CASQ1: variants seen among roughly 807,000 people sequenced by gnomAD.
CASQ1 encodes the protein calsequestrin-1.
CASQ1 carries 40 observed loss-of-function variants against 49.5 expected under a neutral mutation model. The observed-to-expected ratio is 0.81, with a 90% CI of 0.63 to 1.05. The LOEUF is 1.05. Among genes scored for constraint, CASQ1 ranks in the 50% least tolerant of loss-of-function variants. CASQ1 has a pLI of 0.00. For missense variants in CASQ1, 469 were observed against 486.9 expected, an observed-to-expected ratio of 0.96 and a Z score of 0.35; for synonymous variants, 174 against 187.2, an observed-to-expected ratio of 0.93 and a Z score of 0.58.
intron 3 of CASQ1, 34 bp downstream of exon 3, chr1:160,193,881 G>C (rs1323427117): frequency 1.4e-6 from 2 of 1,449,876 alleles, no homozygotes; most frequent in Admixed American, 3.4e-5. Context: ...GGCCTTGCTT[G>C]AAAACTCCAC....
At chr1:160,191,980 C>T (rs1186930872) in intron 1 of CASQ1, among the ~76,000 whole-genome samples, 1 of 152,150 alleles carries the variant, frequency 6.6e-6, no homozygotes, top group African/African-American at 2.4e-5. Context: ...GCTCAGTATC[C>T]CTGGCCATCC....
In CASQ1 at chr1:160,190,642, T is replaced by TC. The variant is rs1654050248; in HGVS notation, c.-104dup. ...TCCACTGCTCTGGGCCATTCCCCAA[T>TC]CCCCCCTCCCACTTGAGCCCCTAAC... On this transcript the variant is annotated 5_prime_UTR_variant, in exon 1 of 11. Coordinates refer to ENST00000368078, the MANE Select transcript of CASQ1 (RefSeq NM_001231.5). 1 of 1,008,790 alleles carries TC rather than the reference T, an allele frequency of 9.9e-7. No homozygotes were observed. The highest frequency in any genetic ancestry group is 1.4e-6 in the Non-Finnish European group (1 of 691,730). 62.5% of individuals were successfully genotyped at this position (1,008,790 alleles called of 1,614,324 possible).
At chr1:160,193,998 C>T in intron 3 of CASQ1, 151 bp downstream of exon 3, 1 of 605,222 alleles carries the variant, frequency 1.7e-6, no homozygotes, top group South Asian at 1.8e-5. Flanking sequence ...CACACGCACA[C>T]ACACCATACA....
At chr1:160,195,358 T>C in intron 4 of CASQ1, 103 bp from the exon 5 acceptor site, 1 of 1,136,756 alleles carries the variant, frequency 8.8e-7, no homozygotes, top group Non-Finnish European at 1.3e-6. Context: ...GGGGTGGGTC[T>C]CAAAATGAAC....
intron 6 of CASQ1, 23 bp from the exon 7 acceptor site, chr1:160,197,546 G>GAC: frequency 6.3e-7 from 1 of 1,590,668 alleles, no homozygotes; most frequent in South Asian, 1.1e-5. Flanking sequence ...ACTGAGTAAT[G>GAC]ACACTCTGTC....
At position 160,201,494 on chromosome 1, in the gene CASQ1, G is replaced by T. The variant is rs1320694847; in HGVS notation, c.*118G>T. 1.8e-6 allele frequency: 2 copies of T among 1,103,346 alleles called. No individual in the cohort carries two copies. The highest frequency in any genetic ancestry group is 2.6e-6 in the Non-Finnish European group (2 of 758,018). 68.3% of individuals were successfully genotyped at this position (1,103,346 alleles called of 1,614,324 possible). On this transcript the variant is annotated 3_prime_UTR_variant, in exon 11 of 11. Coordinates refer to ENST00000368078, the MANE Select transcript of CASQ1 (RefSeq NM_001231.5). ...GTTATTCTCTGCCATAGAGCTAACT[G>T]GGGTCTATATGCTGGGTGCTGAGAC...
intron 3 of CASQ1, 139 bp downstream of exon 3, chr1:160,193,986 A>C (rs1312902787): frequency 9.7e-6 from 6 of 620,702 alleles, no homozygotes; most frequent in Admixed American, 2.8e-5. Context: ...CCATACATAC[A>C]CCACACGCAC....
In CASQ1 at chr1:160,192,851, ACT is replaced by A; in HGVS notation, c.332_333del (p.Ser111Ter). 6.2e-7 allele frequency: 1 copy of A among 1,613,840 alleles called. No homozygotes were observed. Among genetic ancestry groups the A allele is most frequent in the Non-Finnish European group, 8.5e-7 (1 of 1,179,916 alleles). On this transcript the variant is annotated frameshift_variant, in exon 2 of 11. Transcript: ENST00000368078. LOFTEE classifies it high-confidence loss of function. Reference sequence around the variant, plus strand: ...AAGGGTGTTGGCTTCGGGCTGGTAGACTCTGAGAAGGATGCAGCTGTGGCCAA... The same window carrying A: ...AAGGGTGTTGGCTTCGGGCTGGTAGACTGAGAAGGATGCAGCTGTGGCCAA...
chr1:160,193,967 GCACACACACCATACATACACCACAC>G, intron 3 of CASQ1, 120 bp downstream of exon 3: 1 of 619,138 alleles, frequency 1.6e-6, no homozygotes, highest in Admixed American at 2.7e-5. Context: ...TACACCACAC[GCACACACACCATACATACACCACAC>G]GCACACACAC....
chr1:160,197,601 T>C lies in CASQ1; in HGVS notation c.815T>C (p.Met272Thr). The part of the protein sequence containing the change: ...STLRKLKPES[M>T]YETWEDDMDG... The stretch of plus-strand genomic sequence containing the variant: ...CTGAGGAAACTGAAGCCGGAGAGTA[T>C]GTATGAGACCTGGGTGAGTGCCCCT... Residue 272 changes from methionine to threonine, a missense_variant, in exon 7 of 11, where the codon ATG becomes ACG. By Grantham distance (81) the Met-to-Thr change is moderately conservative. Coordinates refer to ENST00000368078, the MANE Select transcript of CASQ1 (RefSeq NM_001231.5). 3 of 1,611,426 alleles carry C rather than the reference T, an allele frequency of 1.9e-6. No individual in the cohort carries two copies. The highest frequency in any genetic ancestry group is 2.2e-5 in the East Asian group (1 of 44,872).
chr1:160,201,549 A>AGGG lies in CASQ1; in HGVS notation c.*174_*175insGGG. On this transcript the variant is annotated 3_prime_UTR_variant, in exon 11 of 11. Transcript: ENST00000368078. Reference sequence around the variant, plus strand: ...ATCCCCCTCATTTGATGAGCAAATGAGCTACTTTTCCCTAGACACCAGGCC... The same window carrying AGGG: ...ATCCCCCTCATTTGATGAGCAAATGAGGGGCTACTTTTCCCTAGACACCAGGCC... The AGGG allele has an allele frequency of 1.5e-6, 1 of 659,248 alleles. No homozygotes were observed. The highest frequency in any genetic ancestry group is 2.6e-6 in the Non-Finnish European group (1 of 382,182). 40.8% of individuals were successfully genotyped at this position (659,248 alleles called of 1,614,324 possible).
At position 160,192,897 on chromosome 1, in the gene CASQ1, G is replaced by C; in HGVS notation, c.364+11G>C. ...TGGCCAAGAAACTAGGTAAGAGAGG[G>C]GAGGGCAGGGGAGGGGAAGGTGGCA... is the stretch of plus-strand genomic sequence containing the variant. On this transcript the variant is annotated intron_variant, in intron 2 of 10. Transcript: ENST00000368078. The C allele has an allele frequency of 6.2e-7, 1 of 1,606,288 alleles. No individual in the cohort carries two copies. Among genetic ancestry groups the C allele is most frequent in the Non-Finnish European group, 8.5e-7 (1 of 1,173,012 alleles).
Position 160,197,575 on chromosome 1 carries a change from C to A in CASQ1, c.789C>A (p.Thr263=). Residue 263 remains threonine (T), a synonymous_variant, in exon 7 of 11, where the codon ACC becomes ACA. Coordinates refer to ENST00000368078, the MANE Select transcript of CASQ1 (RefSeq NM_001231.5). ...VNFVEEHRRS[T]LRKLKPESMY... is the part of the protein sequence containing the mutation. ...CTCTGTCTGTCTCTTCTAGATCAACCCTGAGGAAACTGAAGCCGGAGAGTA... is the reference window on the plus strand; with the variant it reads ...CTCTGTCTGTCTCTTCTAGATCAACACTGAGGAAACTGAAGCCGGAGAGTA... 6.2e-7 allele frequency: 1 copy of A among 1,611,026 alleles called. No individual in the cohort carries two copies. The highest frequency in any genetic ancestry group is 8.5e-7 in the Non-Finnish European group (1 of 1,177,222).
intron 1 of CASQ1, among the ~76,000 whole-genome samples, chr1:160,191,699 A>G (rs892189698): frequency 2.6e-5 from 4 of 152,228 alleles, no homozygotes; most frequent in African/African-American, 9.6e-5. Context: ...CTCACCTCCA[A>G]AATGACTTCA....
chr1:160,192,000 C>T (rs1039592454), intron 1 of CASQ1, among the ~76,000 whole-genome samples: 1 of 152,202 alleles, frequency 6.6e-6, no homozygotes, highest in African/African-American at 2.4e-5. Context: ...CACCTGCCAA[C>T]CGCCTCCCTT....
At chr1:160,191,461 T>C (rs1356520584) in intron 1 of CASQ1, among the ~76,000 whole-genome samples, 1 of 152,134 alleles carries the variant, frequency 6.6e-6, no homozygotes, top group Non-Finnish European at 1.5e-5. Flanking sequence ...CCCAAAGAGA[T>C]CCAAACTGAG....
intron 10 of CASQ1, among the ~76,000 whole-genome samples, 189 bp from the exon 11 acceptor site, chr1:160,201,056 C>T (rs1654359088): frequency 8.9e-6 from 1 of 112,470 alleles, no homozygotes; most frequent in African/African-American, 3.4e-5. Context: ...AACTTTTCTT[C>T]CCACTCTCAC....
chr1:160,198,732 G>A lies in CASQ1; in HGVS notation c.883+1G>A, dbSNP rs763998699. 2.5e-6 allele frequency: 4 copies of A among 1,613,164 alleles called. No homozygotes were observed. In the South Asian group the frequency reaches 4.4e-5, roughly 18 times the overall value. ...GCCTTCGCAGAGGAAGCTGATCCTG[G>A]TGAGGGAGGAATACCGGGTTGGACT... On this transcript the variant is annotated splice_donor_variant, in intron 8 of 10. Transcript: ENST00000368078. LOFTEE classifies it high-confidence loss of function.
chr1:160,197,038 G>A (rs1029246838), intron 6 of CASQ1, among the ~76,000 whole-genome samples: 7 of 152,116 alleles, frequency 4.6e-5, no homozygotes, highest in Non-Finnish European at 4.4e-5. Flanking sequence ...TAATCCTGCC[G>A]GGCACTCACA....
Sources: gnomAD v4.1 joint callset for allele counts (sites outside exome capture counted in the v4.1 genomes callset) on GRCh38, gnomAD v4.1.1 for gene constraint, MANE v1.5 for transcripts, NCBI Gene and HGNC (gene_info 2026-07-23, HGNC 2026-07-21) for gene names.